Variants in PTPN1 observed in about 807,000 individuals in gnomAD.
The protein encoded by PTPN1 is tyrosine-protein phosphatase non-receptor type 1.
PTPN1 carries 12 observed loss-of-function variants against 59.9 expected under a neutral mutation model. The ratio of observed to expected loss-of-function variants is 0.20; its 90% CI spans 0.13 to 0.32. The LOEUF is 0.32. Among genes scored for constraint, PTPN1 ranks in the 10% least tolerant of loss-of-function variants. The pLI, the probability that PTPN1 is intolerant of heterozygous loss-of-function variation, is 1.00. For synonymous variants in PTPN1, 178 were observed against 203.6 expected, an observed-to-expected ratio of 0.87 and a Z score of 1.07; for missense variants, 356 against 549.2, an observed-to-expected ratio of 0.65 and a Z score of 3.52.
At chr20:50,544,834 G>T (rs180920326) in intron 1 of PTPN1, among the ~76,000 whole-genome samples, 1 of 152,074 alleles carries the variant, frequency 6.6e-6, no homozygotes. Flanking sequence ...GTGAAACCCC[G>T]TCTCTACTAA....
intron 1 of PTPN1, among the ~76,000 whole-genome samples, chr20:50,528,679 A>C (rs1218947997): frequency 1.3e-5 from 2 of 149,048 alleles, no homozygotes; most frequent in Non-Finnish European, 3.0e-5. Flanking sequence ...ACTCCACTGC[A>C]CTCCAGCCTG....
intron 7 of PTPN1, 116 bp from the exon 8 acceptor site, chr20:50,579,587 G>T: frequency 1.0e-6 from 1 of 974,020 alleles, no homozygotes; most frequent in Non-Finnish European, 1.6e-6. Flanking sequence ...CATGGCTGCA[G>T]CCCTGAGAGG....
chr20:50,521,099 A>G (rs2082549239), intron 1 of PTPN1, among the ~76,000 whole-genome samples: 1 of 152,190 alleles, frequency 6.6e-6, no homozygotes. Flanking sequence ...TTAAAACTTG[A>G]AAAAAACCCA....
chr20:50,529,572 C>T (rs6126033), intron 1 of PTPN1, among the ~76,000 whole-genome samples: 13,325 of 152,180 alleles, frequency 0.088, 634 homozygotes, highest in South Asian at 0.19. Flanking sequence ...GACACTTTTG[C>T]GTCTGAAACC....
rs760185688 is a variant in PTPN1, at chr20:50,579,257, C to A, written c.792C>A (p.Ala264=). ...RKFRMGLIQT[A]DQLRFSYLAV... is the part of the protein sequence containing the mutation. ...TTCGGATGGGGCTGATCCAGACAGC[C>A]GACCAGCTGCGCTTCTCCTACCTGG... Residue 264 remains alanine (A), a synonymous_variant, in exon 7 of 10, where the codon GCC becomes GCA. Coordinates refer to ENST00000371621, the MANE Select transcript of PTPN1 (RefSeq NM_002827.4). The A allele has an allele frequency of 6.2e-7, 1 of 1,614,104 alleles. No individual in the cohort carries two copies. The highest frequency in any genetic ancestry group is 1.3e-5 in the African/African-American group (1 of 74,938).
intron 1 of PTPN1, among the ~76,000 whole-genome samples, chr20:50,519,814 A>T (rs568795347): frequency 6.6e-6 from 1 of 152,268 alleles, no homozygotes; most frequent in East Asian, 1.9e-4. Context: ...TCCCACCTTT[A>T]GTTTTGTAAG....
At position 50,579,185 on chromosome 20, in the gene PTPN1, C is replaced by T; in HGVS notation, c.720C>T (p.Asp240=). The T allele has an allele frequency of 6.2e-7, 1 of 1,614,228 alleles. No individual in the cohort carries two copies. The highest frequency in any genetic ancestry group is 1.1e-5 in the South Asian group (1 of 91,082). ...GCTTTCAGATGGACAAGAGGAAAGACCCTTCTTCCGTTGATATCAAGAAAG... is the reference window on the plus strand; with the variant it reads ...GCTTTCAGATGGACAAGAGGAAAGATCCTTCTTCCGTTGATATCAAGAAAG... ...TCLLLMDKRK[D]PSSVDIKKVL... Residue 240 remains aspartate, a synonymous_variant, in exon 7 of 10, where the codon GAC becomes GAT. Coordinates refer to ENST00000371621, the MANE Select transcript of PTPN1 (RefSeq NM_002827.4).
At chr20:50,539,654 T>C (rs941490109) in intron 1 of PTPN1, among the ~76,000 whole-genome samples, 2 of 148,920 alleles carry the variant, frequency 1.3e-5, no homozygotes, top group African/African-American at 2.5e-5. Context: ...CTTTTTTTTT[T>C]TTTTTTTTTT....
intron 2 of PTPN1, among the ~76,000 whole-genome samples, 159 bp from the exon 3 acceptor site, chr20:50,564,810 G>A (rs1195728267): frequency 1.3e-5 from 2 of 152,098 alleles, no homozygotes; most frequent in Admixed American, 6.6e-5. Flanking sequence ...AATCCCAGTC[G>A]CCCCATACTG....
At chr20:50,526,096 T>C (rs1045096815) in intron 1 of PTPN1, among the ~76,000 whole-genome samples, 1 of 152,192 alleles carries the variant, frequency 6.6e-6, no homozygotes, top group African/African-American at 2.4e-5. Context: ...TATGTGTGTG[T>C]GTGTGCGCGT....
intron 1 of PTPN1, among the ~76,000 whole-genome samples, chr20:50,532,864 G>A (rs946490609): frequency 5.9e-5 from 9 of 152,104 alleles, no homozygotes; most frequent in Non-Finnish European, 1.3e-4. Context: ...CAGGTATGCA[G>A]GGCATAGATT....
rs181130957 is a variant in PTPN1, at chr20:50,522,187, T to C, written c.63+11597T>C. On this transcript the variant is annotated intron_variant, in intron 1 of 9. Transcript: ENST00000371621. Reference sequence around the variant, plus strand: ...CTTTTCTCTTTATCCTCAGCCTCCTTCTGCTATTTTGAGGAAGTTAGAAGC... The same window carrying C: ...CTTTTCTCTTTATCCTCAGCCTCCTCCTGCTATTTTGAGGAAGTTAGAAGC... Among the ~76,000 whole-genome samples the C allele has an allele frequency of 3.1e-4, 47 of 152,280 alleles. No individual in the cohort carries two copies. In the Middle Eastern group the frequency reaches 0.01, roughly 33 times the overall value.
intron 4 of PTPN1, among the ~76,000 whole-genome samples, chr20:50,570,748 T>C (rs2082804176): frequency 6.6e-6 from 1 of 152,192 alleles, no homozygotes; most frequent in East Asian, 1.9e-4. Flanking sequence ...GTGGCTGTGC[T>C]GGGCGCTGTA....
In PTPN1 at chr20:50,582,570, CA is replaced by C. The variant is rs2082874227; in HGVS notation, c.1285-118del. 2.0e-6 allele frequency: 2 copies of C among 1,007,800 alleles called. No individual in the cohort carries two copies. The highest frequency in any genetic ancestry group is 2.6e-5 in the East Asian group (1 of 38,026). The allele number at this position is 1,007,800 out of a possible 1,614,324, so 62.4% of individuals were successfully genotyped here. On this transcript the variant is annotated intron_variant, in intron 9 of 9. Transcript: ENST00000371621. The surrounding 1 kb of genome is among the most constrained non-coding windows in gnomAD (Gnocchi z 4.2). ...AGGGGGCTACTGTAAAAAATAAAAC[CA>C]AAACCCCCTTTGCTCCCTCGGAGGT...
rs577563833 is a variant in PTPN1 at position 50,561,330 on chromosome 20, C to T, written c.64-33C>T. The stretch of plus-strand genomic sequence containing the variant: ...TTGCTGGGTCTTCCTCAGTGTCTGA[C>T]GGTCAGTTAAATGTCTTTATTCTTT... On this transcript the variant is annotated intron_variant, in intron 1 of 9. Transcript: ENST00000371621. 113 of 1,487,512 alleles carry T rather than the reference C, an allele frequency of 7.6e-5. 1 individual carries two copies. The South Asian group carries it at 1.1e-3, about 14-fold the overall frequency. 92.1% of individuals were successfully genotyped at this position (1,487,512 alleles called of 1,614,324 possible).
intron 5 of PTPN1, chr20:50,578,094 C>G (rs1239412971): frequency 4.2e-5 from 9 of 212,662 alleles, no homozygotes; most frequent in Non-Finnish European, 7.6e-5. Flanking sequence ...GGCTGCCCAG[C>G]ATCATTGTGA....
chr20:50,565,624 C>T (rs754604477), intron 3 of PTPN1, among the ~76,000 whole-genome samples: 1 of 152,126 alleles, frequency 6.6e-6, no homozygotes, highest in African/African-American at 2.4e-5. Flanking sequence ...AATAATTGAG[C>T]CTCTTGTAAA....
chr20:50,579,762 A>G lies in PTPN1; in HGVS notation c.924A>G (p.Pro308=), dbSNP rs920602502. 7 of 1,611,308 alleles carry G rather than the reference A, an allele frequency of 4.3e-6. No homozygotes were observed. Among genetic ancestry groups the G allele is most frequent in the South Asian group, 2.2e-5 (2 of 90,942 alleles). ...AGCCCCCACCCGAGCATATCCCCCC[A>G]CCTCCCCGGCCACCCAAACGAATCC... ...DLEPPPEHIP[P]PPRPPKRILE... The change falls in exon 8 of 10, where the codon CCA becomes CCG. Residue 308 remains proline, a synonymous_variant. Transcript: ENST00000371621.
intron 1 of PTPN1, among the ~76,000 whole-genome samples, chr20:50,551,927 T>C (rs757946810): frequency 1.3e-5 from 2 of 152,236 alleles, no homozygotes; most frequent in Non-Finnish European, 2.9e-5. Flanking sequence ...TTTTATTTTG[T>C]TTTCTCTGTG....
Sources: gnomAD v4.1 joint callset for allele counts (sites outside exome capture counted in the v4.1 genomes callset) on GRCh38, gnomAD v4.1.1 for gene constraint, Gnocchi (gnomAD v3.1) non-coding constraint, MANE v1.5 for transcripts, NCBI Gene and HGNC (gene_info 2026-07-23, HGNC 2026-07-21) for gene names.